The following CNTN4 variants were observed in gnomAD, a reference collection of about 807,000 sequenced individuals.
CNTN4 encodes the protein contactin-4.
Under a neutral mutation model 122.5 loss-of-function variants are expected in CNTN4, and 77 were observed. The observed-to-expected ratio is 0.63, with a 90% CI of 0.52 to 0.76. CNTN4 has a LOEUF of 0.76. Among genes scored for constraint, CNTN4 ranks in the 30% least tolerant of loss-of-function variants. CNTN4 has a pLI of 0.00. For synonymous variants in CNTN4, 512 were observed against 447.0 expected, an observed-to-expected ratio of 1.15 and a Z score of -1.83; for missense variants, 1,256 against 1,259.1, an observed-to-expected ratio of 1.00 and a Z score of 0.04.
intron 7 of CNTN4, among the ~76,000 whole-genome samples, chr3:2,853,170 T>C (rs2093573612): frequency 6.8e-6 from 1 of 146,240 alleles, no homozygotes; most frequent in South Asian, 2.1e-4. Context: ...ATACTTTTTA[T>C]CACAGGGGAC....
chr3:2,956,291 A>T (rs1223020655), intron 13 of CNTN4, among the ~76,000 whole-genome samples: 1 of 152,152 alleles, frequency 6.6e-6, no homozygotes, highest in Non-Finnish European at 1.5e-5. Flanking sequence ...GGAAGGGGGT[A>T]ATGGGAAGTC....
At chr3:2,431,379 T>C (rs2048063871) in intron 3 of CNTN4, among the ~76,000 whole-genome samples, 2 of 152,206 alleles carry the variant, frequency 1.3e-5, no homozygotes, top group Admixed American at 1.3e-4. Flanking sequence ...TACGTGTATG[T>C]AGGTAAATGC....
chr3:2,117,099 C>A (rs962061500), intron 2 of CNTN4, among the ~76,000 whole-genome samples: 1 of 152,138 alleles, frequency 6.6e-6, no homozygotes, highest in Non-Finnish European at 1.5e-5. Flanking sequence ...AGGGCTCAGT[C>A]CCACAAGACT....
At position 2,912,074 on chromosome 3, in the gene CNTN4, A is replaced by C. The variant is rs115082392; in HGVS notation, c.1207+9069A>C. On this transcript the variant is annotated intron_variant, in intron 12 of 24. Transcript: ENST00000418658. The stretch of plus-strand genomic sequence containing the variant: ...GTCTGAGCAAGGAAATGGATTCACA[A>C]ATTTTAGAAGCTCAAGAACTGCAGC... Among the ~76,000 whole-genome samples the C allele has an allele frequency of 1.3e-3, 199 of 152,290 alleles. 2 individuals are homozygous for C. Among genetic ancestry groups the C allele is most frequent in the African/African-American group, 4.5e-3 (189 of 41,556 alleles).
At chr3:2,708,746 C>G (rs1456952489) in intron 4 of CNTN4, among the ~76,000 whole-genome samples, 7 of 31,640 alleles carry the variant, frequency 2.2e-4, no homozygotes, top group South Asian at 1.3e-3. Context: ...CACACACACA[C>G]ACACACACAC....
chr3:3,020,105 C>T (rs1284713393), intron 14 of CNTN4, among the ~76,000 whole-genome samples: 1 of 151,996 alleles, frequency 6.6e-6, no homozygotes, highest in Non-Finnish European at 1.5e-5. Flanking sequence ...TTTAAAATTC[C>T]ATATTCGACA....
At chr3:3,032,692 G>A (rs1304617618) in intron 16 of CNTN4, among the ~76,000 whole-genome samples, 1 of 152,152 alleles carries the variant, frequency 6.6e-6, no homozygotes, top group Non-Finnish European at 1.5e-5. Flanking sequence ...CTATAGCACT[G>A]TAATGGCAGC....
At chr3:2,952,698 C>A (rs1173470338) in intron 13 of CNTN4, among the ~76,000 whole-genome samples, 1 of 152,148 alleles carries the variant, frequency 6.6e-6, no homozygotes, top group Non-Finnish European at 1.5e-5. Flanking sequence ...CAATTCACTA[C>A]AAATATTTAT....
intron 2 of CNTN4, among the ~76,000 whole-genome samples, chr3:2,125,562 C>CTTTT (rs201659840): frequency 8.1e-6 from 1 of 124,012 alleles, no homozygotes; most frequent in African/African-American, 3.1e-5. Flanking sequence ...TTTTCTTTTT[C>CTTTT]TTTTTTTTTT....
intron 6 of CNTN4, among the ~76,000 whole-genome samples, chr3:2,775,586 A>G (rs2091284123): frequency 6.6e-6 from 1 of 151,912 alleles, no homozygotes; most frequent in Non-Finnish European, 1.5e-5. Context: ...CAGCCAGCTA[A>G]TTTTTTGTGT....
intron 3 of CNTN4, among the ~76,000 whole-genome samples, chr3:2,411,635 G>GCTGC (rs927093948): frequency 3.3e-5 from 5 of 152,012 alleles, no homozygotes; most frequent in African/African-American, 7.2e-5. Context: ...TTCCCTGCCT[G>GCTGC]CTGCCTGCCT....
At chr3:2,804,737 C>CTTTAGTTTTTTTTTTTTTTTTTTTTT (rs1553643947) in intron 6 of CNTN4, among the ~76,000 whole-genome samples, 1 of 144,880 alleles carries the variant, frequency 6.9e-6, no homozygotes, top group Non-Finnish European at 1.5e-5. Context: ...ATTTTGAGCA[C>CTTTAGTTTTTTTTTTTTTTTTTTTTT]TTTTTTTTTG....
intron 14 of CNTN4, among the ~76,000 whole-genome samples, chr3:3,002,146 C>A (rs1335589390): frequency 6.6e-6 from 1 of 151,676 alleles, no homozygotes; most frequent in Non-Finnish European, 1.5e-5. Flanking sequence ...GTAACAGTGG[C>A]CATGAAACAA....
chr3:2,425,907 A>G (rs577732009), intron 3 of CNTN4, among the ~76,000 whole-genome samples: 1 of 152,158 alleles, frequency 6.6e-6, no homozygotes, highest in Non-Finnish European at 1.5e-5. Flanking sequence ...TGATTTTTGC[A>G]CATTGATTTT....
In CNTN4 at chr3:2,600,645, G is replaced by A. The variant is rs1247375486; in HGVS notation, c.55+29087G>A. Among the ~76,000 whole-genome samples the A allele has an allele frequency of 2.0e-5, 3 of 152,172 alleles. No homozygotes were observed. In the East Asian group the frequency reaches 5.8e-4, roughly 29 times the overall value. ...TTCCAAGTCTTTGCTATTGTGAATAGTGCCACAATAAACATACGTGTGCAT... is the reference window on the plus strand; with the variant it reads ...TTCCAAGTCTTTGCTATTGTGAATAATGCCACAATAAACATACGTGTGCAT... On this transcript the variant is annotated intron_variant, in intron 4 of 24. Transcript: ENST00000418658.
rs561189631 is a variant in CNTN4 at position 2,875,606 on chromosome 3, T to C, written c.653-7539T>C. Among the ~76,000 whole-genome samples the C allele has an allele frequency of 1.3e-3, 194 of 152,318 alleles. 1 individual carries two copies. In the South Asian group the frequency reaches 0.017, roughly 13 times the overall value. On this transcript the variant is annotated intron_variant, in intron 8 of 24. Coordinates refer to ENST00000418658, the MANE Select transcript of CNTN4 (RefSeq NM_175607.3). ...GGCAGAGTTGAGCAGTAACAGGGAC[T>C]GTATAGCCCACAAAACCTAGATAAA... is the stretch of plus-strand genomic sequence containing the variant.
chr3:2,648,339 T>G (rs1464851011), intron 4 of CNTN4, among the ~76,000 whole-genome samples: 1 of 152,200 alleles, frequency 6.6e-6, no homozygotes, highest in Non-Finnish European at 1.5e-5. Flanking sequence ...TTTTGCAAAC[T>G]GAAGGTTTGT....
At chr3:2,817,326 G>T (rs2092759991) in intron 6 of CNTN4, among the ~76,000 whole-genome samples, 1 of 152,156 alleles carries the variant, frequency 6.6e-6, no homozygotes, top group South Asian at 2.1e-4. Context: ...CCTGCCCATG[G>T]TCAACACAGC....
intron 2 of CNTN4, among the ~76,000 whole-genome samples, chr3:2,164,778 AG>A (rs1378453818): frequency 8.5e-5 from 13 of 152,280 alleles, no homozygotes; most frequent in African/African-American, 2.6e-4. Context: ...CACCAGACAC[AG>A]TTTGCTCATG....
Sources: allele counts gnomAD v4.1 joint callset (sites outside exome capture counted in the v4.1 genomes callset), GRCh38; gene constraint gnomAD v4.1.1; transcripts MANE v1.5; gene names NCBI Gene and HGNC (gene_info 2026-07-23, HGNC 2026-07-21).